C2CD5: variants seen among roughly 807,000 people sequenced by gnomAD.
C2CD5 encodes C2 domain-containing protein 5.
Under a neutral mutation model 130.3 loss-of-function variants are expected in C2CD5, and 109 were observed. The observed-to-expected ratio is 0.84, with a 90% confidence interval of 0.72 to 0.98. The LOEUF is 0.98. Among genes scored for constraint, C2CD5 ranks in the 50% least tolerant of loss-of-function variants. The pLI, the probability that C2CD5 is intolerant of heterozygous loss-of-function variation, is 0.00. For missense variants in C2CD5, 996 were observed against 1,261.8 expected (o/e 0.79, Z 3.19); for synonymous variants, 454 against 429.2 (o/e 1.06, Z -0.71).
At chr12:22,504,204 T>C (rs1948170205) in intron 10 of C2CD5, among the ~76,000 whole-genome samples, 1 of 152,120 alleles carries the variant, frequency 6.6e-6, no homozygotes, top group Non-Finnish European at 1.5e-5. Context: ...TACAACTCTC[T>C]ACTTAAACTT....
At chr12:22,480,675 C>T (rs982436498) in intron 14 of C2CD5, among the ~76,000 whole-genome samples, 3 of 152,186 alleles carry the variant, frequency 2.0e-5, no homozygotes, top group African/African-American at 7.2e-5. Context: ...TAGGCACCCA[C>T]CAATCATTAC....
intron 15 of C2CD5, chr12:22,478,063 T>C (rs376989586): frequency 2.4e-4 from 104 of 434,186 alleles, no homozygotes; most frequent in African/African-American, 1.4e-3. Flanking sequence ...ATAAGAGCTA[T>C]AGAAAACAAT....
intron 11 of C2CD5, among the ~76,000 whole-genome samples, chr12:22,490,863 A>G (rs1273371847): frequency 6.6e-6 from 1 of 152,200 alleles, no homozygotes; most frequent in Non-Finnish European, 1.5e-5. Context: ...AACAAATGAG[A>G]AAAGTAGCAA....
At chr12:22,454,137 C>T (rs1417891558) in intron 25 of C2CD5, 95 bp from the exon 26 acceptor site, 13 of 953,224 alleles carry the variant, frequency 1.4e-5, no homozygotes, top group Non-Finnish European at 1.7e-5. Context: ...TTAAAACATC[C>T]TAAATTATCT....
intron 14 of C2CD5, among the ~76,000 whole-genome samples, chr12:22,481,918 C>T (rs1037233052): frequency 1.3e-5 from 2 of 151,408 alleles, no homozygotes; most frequent in African/African-American, 4.9e-5. Flanking sequence ...GGGTGTGAGC[C>T]AACGCACCTG....
At position 22,478,343 on chromosome 12, in the gene C2CD5, T is replaced by C; in HGVS notation, c.1872A>G (p.Lys624=). The C allele has an allele frequency of 6.2e-7, 1 of 1,613,206 alleles. No homozygotes were observed. The highest frequency in any genetic ancestry group is 8.5e-7 in the Non-Finnish European group (1 of 1,179,264). ...MQKKINDTIA[K]NKELYEINPP... ...GATTGATTTCATATAACTCTTTGTT[T>C]TTAGCAATTGTGTCATTTATCTTCT... The change falls in exon 15 of 27, where the codon AAA becomes AAG. Residue 624 remains lysine (K), a synonymous_variant. Transcript: ENST00000446597.
intron 22 of C2CD5, among the ~76,000 whole-genome samples, chr12:22,462,909 A>C (rs1941426804): frequency 6.6e-6 from 1 of 151,964 alleles, no homozygotes; most frequent in Non-Finnish European, 1.5e-5. Flanking sequence ...CAACATGTTG[A>C]AACCCCATCA....
Position 22,524,561 on chromosome 12 carries a change from T to G in C2CD5, c.512A>C (p.Asn171Thr). The change falls in exon 6 of 27, where the codon AAT becomes ACT. Residue 171 changes from asparagine to threonine, a missense_variant. By Grantham distance (65) the Asn-to-Thr change is moderately conservative. This residue lies in a region of C2CD5 where 49 missense variants were observed against 52.0 expected (regional missense o/e 0.94). Transcript: ENST00000446597. ...AATCCACTGATATTCTGGGTCTTCA[T>G]TGACCACAAGTTCTTCTACAAATCC... The part of the protein sequence containing the change: ...IHGFVEELVV[N>T]EDPEYQWIDR... The G allele has an allele frequency of 6.2e-7, 1 of 1,613,598 alleles. No homozygotes were observed. Among genetic ancestry groups the G allele is most frequent in the Non-Finnish European group, 8.5e-7 (1 of 1,179,518 alleles).
chr12:22,468,515 G>A (rs890094050), intron 22 of C2CD5, among the ~76,000 whole-genome samples: 5 of 152,144 alleles, frequency 3.3e-5, no homozygotes, highest in Non-Finnish European at 7.4e-5. Context: ...AACAGGCCCG[G>A]CCCAAAGAAG....
In C2CD5 at chr12:22,478,346, A is replaced by C; in HGVS notation, c.1869T>G (p.Ala623=). The change falls in exon 15 of 27, where the codon GCT becomes GCG. Residue 623 remains alanine (A), a synonymous_variant. Transcript: ENST00000446597. ...TGATTTCATATAACTCTTTGTTTTT[A>C]GCAATTGTGTCATTTATCTTCTTCT... The part of the protein sequence containing the change: ...HMQKKINDTI[A]KNKELYEINP... 1 of 1,613,134 alleles carries C rather than the reference A, an allele frequency of 6.2e-7. No individual in the cohort carries two copies. The highest frequency in any genetic ancestry group is 2.2e-5 in the East Asian group (1 of 44,816).
At chr12:22,500,290 C>T (rs546125190) in intron 10 of C2CD5, among the ~76,000 whole-genome samples, 85 of 151,454 alleles carry the variant, frequency 5.6e-4, no homozygotes, top group Non-Finnish European at 1.1e-3. Flanking sequence ...ATATTTTGTA[C>T]TCTGTGGCAA....
At position 22,523,451 on chromosome 12, in the gene C2CD5, T is replaced by G. The variant is rs1336939898; in HGVS notation, c.775A>C (p.Asn259His). ...SSPAAFLPAC[N>H]SPSKEMKEIP... ...TCCTTCATTTCTTTGGATGGGGAAT[T>G]ACATGCAGGAAGGAATGCTGCTGGG... Residue 259 changes from asparagine (N) to histidine (H), a missense_variant, in exon 7 of 27, where the codon AAT becomes CAT. Physicochemically the swap from Asn to His is moderately conservative, Grantham distance 68. This residue lies in a region of C2CD5 where 156 missense variants were observed against 165.9 expected (regional missense o/e 0.94). Transcript: ENST00000446597. The G allele has an allele frequency of 1.2e-6, 2 of 1,613,788 alleles. No homozygotes were observed. The highest frequency in any genetic ancestry group is 2.2e-5 in the East Asian group (1 of 44,868).
chr12:22,466,234 A>C (rs962530253), intron 22 of C2CD5, among the ~76,000 whole-genome samples: 1 of 152,070 alleles, frequency 6.6e-6, no homozygotes, highest in African/African-American at 2.4e-5. Flanking sequence ...AGGAAATAAA[A>C]AATTTTAACA....
rs543604776 is a variant in C2CD5 at position 22,449,226 on chromosome 12, C to G, written c.*534G>C. The G allele has an allele frequency of 6.6e-6, 1 of 152,228 alleles. No individual in the cohort carries two copies. The highest frequency in any genetic ancestry group is 1.9e-4 in the East Asian group (1 of 5,188). 9.4% of individuals were successfully genotyped at this position (152,228 alleles called of 1,614,324 possible). On this transcript the variant is annotated 3_prime_UTR_variant, in exon 27 of 27. Coordinates refer to ENST00000446597, the MANE Select transcript of C2CD5 (RefSeq NM_001286176.2). ...AAGTTCCAGAATTTTAACTTGTTTTCAAAAGATGGCTGAAGCACTTTTCCC... is the reference window on the plus strand; with the variant it reads ...AAGTTCCAGAATTTTAACTTGTTTTGAAAAGATGGCTGAAGCACTTTTCCC...
chr12:22,513,060 T>C (rs1389156002), intron 9 of C2CD5, among the ~76,000 whole-genome samples: 1 of 152,094 alleles, frequency 6.6e-6, no homozygotes, highest in Non-Finnish European at 1.5e-5. Flanking sequence ...AAAAATAGTA[T>C]TTCTGATAAA....
intron 9 of C2CD5, among the ~76,000 whole-genome samples, chr12:22,509,760 A>G (rs1565758251): frequency 6.6e-6 from 1 of 152,150 alleles, no homozygotes; most frequent in Non-Finnish European, 1.5e-5. Context: ...TATTATCTCC[A>G]TTTTTTATAT....
intron 15 of C2CD5, 120 bp downstream of exon 15, chr12:22,478,193 A>G (rs2136253008): frequency 1.3e-6 from 1 of 748,226 alleles, no homozygotes; most frequent in Admixed American, 2.1e-5. Context: ...GAGGTGAAAG[A>G]ATGAGTAATA....
chr12:22,454,549 G>GTTGCTCC, intron 25 of C2CD5, among the ~76,000 whole-genome samples: 1 of 147,300 alleles, frequency 6.8e-6, no homozygotes, highest in East Asian at 2.0e-4. Flanking sequence ...ACTGGCACAT[G>GTTGCTCC]TTGCTCCTGC....
intron 6 of C2CD5, among the ~76,000 whole-genome samples, chr12:22,524,020 G>C (rs1321450374): frequency 6.6e-6 from 1 of 151,224 alleles, no homozygotes; most frequent in Non-Finnish European, 1.5e-5. Context: ...TTTAAAAAGG[G>C]AATGAGGTCA....
Sources: allele counts gnomAD v4.1 joint callset (sites outside exome capture counted in the v4.1 genomes callset), GRCh38; gene constraint gnomAD v4.1.1; regional missense constraint gnomAD v4.1.1; transcripts MANE v1.5; gene names NCBI Gene and HGNC (gene_info 2026-07-23, HGNC 2026-07-21).